Variants in NAALADL2 observed in about 807,000 individuals in gnomAD.
NAALADL2 encodes the protein inactive N-acetylated-alpha-linked acidic dipeptidase-like protein 2.
In NAALADL2, 76 loss-of-function variants were observed where a neutral mutation model predicts 87.2. The ratio of observed to expected loss-of-function variants is 0.87; its 90% CI spans 0.72 to 1.05. The LOEUF is 1.05. Ranked by LOEUF, NAALADL2 falls within the 50% of genes least tolerant of loss-of-function variation. The pLI is 0.00. For synonymous variants in NAALADL2, 354 were observed against 331.0 expected (o/e 1.07, Z -0.75); for missense variants, 1,089 against 945.8 (o/e 1.15, Z -1.99).
At chr3:174,758,742 T>G (rs902969354) in intron 3 of NAALADL2, among the ~76,000 whole-genome samples, 25 of 152,330 alleles carry the variant, frequency 1.6e-4, no homozygotes, top group Non-Finnish European at 7.4e-5. Flanking sequence ...ACCAGTTTGT[T>G]GAGCTTAGCA....
intron 11 of NAALADL2, among the ~76,000 whole-genome samples, chr3:175,737,040 C>T (rs1395563606): frequency 2.0e-5 from 3 of 152,044 alleles, no homozygotes; most frequent in African/African-American, 4.8e-5. Context: ...TTAGGGAAGG[C>T]ATTTCTTAAT....
chr3:175,568,129 C>A (rs1361740804), intron 9 of NAALADL2, among the ~76,000 whole-genome samples: 1 of 147,794 alleles, frequency 6.8e-6, no homozygotes, highest in South Asian at 2.1e-4. Context: ...TTTTTTTTTA[C>A]TATTCTGGAG....
chr3:175,023,643 T>C (rs928056117), intron 1 of NAALADL2, among the ~76,000 whole-genome samples: 7 of 152,098 alleles, frequency 4.6e-5, no homozygotes, highest in African/African-American at 1.4e-4. Context: ...ACTCATTGTC[T>C]GCTAAAATAA....
At chr3:174,555,766 C>T (rs1323589595) in intron 2 of NAALADL2, among the ~76,000 whole-genome samples, 3 of 152,142 alleles carry the variant, frequency 2.0e-5, no homozygotes, top group Non-Finnish European at 4.4e-5. Context: ...GATGACTTCT[C>T]TAGAATGAGG....
intron 1 of NAALADL2, among the ~76,000 whole-genome samples, chr3:175,080,070 A>C (rs1429558013): frequency 6.6e-6 from 1 of 151,262 alleles, no homozygotes; most frequent in Non-Finnish European, 1.5e-5. Flanking sequence ...GGTTCACGCC[A>C]TTCTCCTGCC....
chr3:175,578,056 A>G (rs1478672102), intron 10 of NAALADL2, among the ~76,000 whole-genome samples: 2 of 152,122 alleles, frequency 1.3e-5, no homozygotes, highest in Non-Finnish European at 2.9e-5. Context: ...TGAAATTTTA[A>G]ATCGCTTCAT....
chr3:175,178,036 A>G (rs1735943597), intron 2 of NAALADL2, among the ~76,000 whole-genome samples: 1 of 152,064 alleles, frequency 6.6e-6, no homozygotes, highest in African/African-American at 2.4e-5. Flanking sequence ...GACTGCCTAC[A>G]TTCAATCAGT....
intron 2 of NAALADL2, among the ~76,000 whole-genome samples, chr3:174,734,862 C>T (rs1445895375): frequency 1.3e-5 from 2 of 152,042 alleles, no homozygotes; most frequent in Non-Finnish European, 2.9e-5. Context: ...AAATTTATGA[C>T]ACATTATTAT....
At chr3:174,822,055 CCT>C (rs1244894059) in intron 3 of NAALADL2, among the ~76,000 whole-genome samples, 1 of 151,900 alleles carries the variant, frequency 6.6e-6, no homozygotes, top group Non-Finnish European at 1.5e-5. Context: ...TATTCATGTT[CCT>C]GAAGCATAGG....
intron 2 of NAALADL2, among the ~76,000 whole-genome samples, chr3:174,676,821 A>C (rs671239): frequency 0.58 from 87,988 of 151,630 alleles, 28,137 homozygotes; most frequent in Non-Finnish European, 0.7. Flanking sequence ...AAATTTCTAT[A>C]AGTTAGTTTA....
At chr3:175,787,182 C>T (rs558838940) in intron 13 of NAALADL2, among the ~76,000 whole-genome samples, 3 of 152,294 alleles carry the variant, frequency 2.0e-5, no homozygotes, top group African/African-American at 7.2e-5. Context: ...TGTGCCCTGC[C>T]CCCAGAGGTG....
chr3:175,037,654 T>G (rs1402184147), intron 1 of NAALADL2, among the ~76,000 whole-genome samples: 1 of 152,164 alleles, frequency 6.6e-6, no homozygotes, highest in Non-Finnish European at 1.5e-5. Flanking sequence ...TACCTGGACC[T>G]GGAGTTCTCT....
At chr3:174,701,501 A>G (rs189534899) in intron 2 of NAALADL2, among the ~76,000 whole-genome samples, 24 of 152,246 alleles carry the variant, frequency 1.6e-4, no homozygotes, top group Admixed American at 1.0e-3. Context: ...AAATTGTGCA[A>G]TTTGAGAAGT....
At chr3:175,304,887 T>G (rs981481332) in intron 4 of NAALADL2, among the ~76,000 whole-genome samples, 2 of 152,178 alleles carry the variant, frequency 1.3e-5, no homozygotes. Context: ...AATAATTCCT[T>G]TATCATACTT....
rs1367533676 is a variant in NAALADL2 at position 174,912,067 on chromosome 3, C to T, written c.43+52617C>T. On this transcript the variant is annotated intron_variant, in intron 1 of 13. Transcript: ENST00000454872. ...CTCTTCTCACAGAAATAAAGAAGGT[C>T]GGCTGTGATGAACTATACTCTCTGT... 7.2e-5 allele frequency among the ~76,000 whole-genome samples: 11 copies of T among 152,078 alleles called. No individual in the cohort carries two copies. The East Asian group carries it at 1.4e-3, about 19-fold the overall frequency.
At chr3:175,152,507 A>G (rs1319056800) in intron 2 of NAALADL2, among the ~76,000 whole-genome samples, 1 of 152,196 alleles carries the variant, frequency 6.6e-6, no homozygotes, top group African/African-American at 2.4e-5. Flanking sequence ...AGGGAAGATT[A>G]AAGAGAACTG....
chr3:175,409,198 T>C (rs979523263), intron 5 of NAALADL2, among the ~76,000 whole-genome samples: 4 of 151,924 alleles, frequency 2.6e-5, no homozygotes, highest in African/African-American at 9.6e-5. Context: ...CATAATCTTA[T>C]TAAACCATAA....
chr3:175,354,486 C>T, intron 5 of NAALADL2, among the ~76,000 whole-genome samples: 1 of 152,064 alleles, frequency 6.6e-6, no homozygotes, highest in African/African-American at 2.4e-5. Flanking sequence ...TTGTCATATT[C>T]GCATGTTATT....
At chr3:175,215,351 T>A in intron 2 of NAALADL2, among the ~76,000 whole-genome samples, 1 of 152,156 alleles carries the variant, frequency 6.6e-6, no homozygotes, top group Admixed American at 6.6e-5. Flanking sequence ...TCCCAGCACT[T>A]GAATCATACC....
Sources: allele counts gnomAD v4.1 joint callset (sites outside exome capture counted in the v4.1 genomes callset), GRCh38; gene constraint gnomAD v4.1.1; transcripts MANE v1.5; gene names NCBI Gene and HGNC (gene_info 2026-07-23, HGNC 2026-07-21).